Variants in TACR1 observed in about 807,000 individuals in gnomAD.
TACR1 encodes the protein tachykinin receptor 1.
TACR1 carries 25 observed loss-of-function variants against 35.8 expected under a neutral mutation model. The ratio of observed to expected loss-of-function variants is 0.70; its 90% confidence interval spans 0.51 to 0.98. The LOEUF is 0.98. TACR1 is among the 50% of genes least tolerant of loss of function. TACR1 has a pLI of 0.00. For synonymous variants in TACR1, 195 were observed against 206.7 expected (o/e 0.94, Z 0.48); for missense variants, 478 against 522.9 (o/e 0.91, Z 0.84).
chr2:75,116,402 C>T (rs770478404), intron 2 of TACR1, among the ~76,000 whole-genome samples: 15 of 152,112 alleles, frequency 9.9e-5, no homozygotes, highest in Non-Finnish European at 1.9e-4. Flanking sequence ...GCACTGGGCT[C>T]CACAATTTTT....
intron 1 of TACR1, among the ~76,000 whole-genome samples, chr2:75,171,785 T>G (rs1214228506): frequency 6.6e-6 from 1 of 152,218 alleles, no homozygotes; most frequent in Non-Finnish European, 1.5e-5. Context: ...TTTCTCCCAC[T>G]TGGAATGGGT....
chr2:75,101,769 G>A (rs954048294), intron 2 of TACR1, among the ~76,000 whole-genome samples: 1 of 152,046 alleles, frequency 6.6e-6, no homozygotes, highest in African/African-American at 2.4e-5. Context: ...CCTATATGGT[G>A]AAACTTCATC....
chr2:75,106,931 G>T (rs1468357687), intron 2 of TACR1, among the ~76,000 whole-genome samples: 1 of 151,574 alleles, frequency 6.6e-6, no homozygotes, highest in Admixed American at 6.6e-5. Flanking sequence ...AATGAGTGTG[G>T]AAATGTTCAA....
At chr2:75,117,406 A>T (rs944631195) in intron 2 of TACR1, among the ~76,000 whole-genome samples, 2 of 152,226 alleles carry the variant, frequency 1.3e-5, no homozygotes, top group Admixed American at 1.3e-4. Context: ...CATCAATTAA[A>T]TTGGGTCTAA....
rs1297138677 is a variant in TACR1, at chr2:75,049,655, A to C, written c.1001T>G (p.Leu334Arg). The change falls in exon 5 of 5, where the codon CTG becomes CGG. Residue 334 changes from leucine to arginine, a missense_variant. Physicochemically the swap from Leu to Arg is moderately radical, Grantham distance 102. Coordinates refer to ENST00000305249, the MANE Select transcript of TACR1 (RefSeq NM_001058.4). Reference sequence around the variant, plus strand: ...GAGATACCGGGTGGATTTCATTTCCAGCCCCTCATAGTCGCCGGCGCTGAT... The same window carrying C: ...GAGATACCGGGTGGATTTCATTTCCCGCCCCTCATAGTCGCCGGCGCTGAT... ...PFISAGDYEG[L>R]EMKSTRYLQT... 6.2e-7 allele frequency: 1 copy of C among 1,614,150 alleles called. No individual in the cohort carries two copies. The highest frequency in any genetic ancestry group is 2.2e-5 in the East Asian group (1 of 44,876).
intron 1 of TACR1, among the ~76,000 whole-genome samples, chr2:75,196,010 G>C (rs1409739023): frequency 2.0e-5 from 3 of 152,148 alleles, no homozygotes; most frequent in African/African-American, 4.8e-5. Flanking sequence ...GTTAGGTAAG[G>C]GGGATTGGAT....
intron 1 of TACR1, among the ~76,000 whole-genome samples, chr2:75,126,157 G>A (rs533825647): frequency 1.6e-3 from 250 of 152,144 alleles, no homozygotes; most frequent in African/African-American, 5.9e-3. Flanking sequence ...CCACTTATAA[G>A]TGGGAACATG....
At chr2:75,123,498 A>T (rs983363228) in intron 1 of TACR1, among the ~76,000 whole-genome samples, 8 of 152,300 alleles carry the variant, frequency 5.3e-5, no homozygotes, top group African/African-American at 1.9e-4. Flanking sequence ...GCCATATTTT[A>T]TCCTTATTGC....
chr2:75,198,637 A>G lies in TACR1; in HGVS notation c.298T>C (p.Tyr100His). Residue 100 changes from tyrosine to histidine, a missense_variant, in exon 1 of 5, where the codon TAC (tyrosine) becomes CAC (histidine). By Grantham distance (83) the Tyr-to-His change is moderately conservative (BLOSUM62 2). Transcript: ENST00000305249. ...FTYAVHNEWY[Y>H]GLFYCKFHNF... ...TGGAACTTGCAGTAGAACAGGCCGT[A>G]GTACCATTCGTTGTGGACAGCATAG... 1 of 1,614,256 alleles carries G rather than the reference A, an allele frequency of 6.2e-7. No homozygotes were observed. The highest frequency in any genetic ancestry group is 1.1e-5 in the South Asian group (1 of 91,084).
intron 1 of TACR1, among the ~76,000 whole-genome samples, chr2:75,182,557 A>ATAATGGAG (rs1181846199): frequency 1.3e-5 from 2 of 152,230 alleles, no homozygotes; most frequent in Non-Finnish European, 2.9e-5. Flanking sequence ...CCATGAGTTT[A>ATAATGGAG]TAATGGAGCT....
Position 75,163,213 on chromosome 2 carries a change from T to C in TACR1, c.389+35333A>G, listed in dbSNP as rs568344470. 5.9e-5 allele frequency among the ~76,000 whole-genome samples: 9 copies of C among 152,296 alleles called. No individual in the cohort carries two copies. The East Asian group carries it at 1.7e-3, about 29-fold the overall frequency. ...GTCCCCATTGATTCACAGGAGACTT[T>C]GGGAGAGCAAGCACCAAAGTGCTGT... On this transcript the variant is annotated intron_variant, in intron 1 of 4. Transcript: ENST00000305249.
In TACR1 at chr2:75,113,598, G is replaced by A. The variant is rs1274269568; in HGVS notation, c.584+6976C>T. 2.1e-5 allele frequency among the ~76,000 whole-genome samples: 3 copies of A among 145,330 alleles called. No homozygotes were observed. The South Asian group carries it at 6.5e-4, about 31-fold the overall frequency. On this transcript the variant is annotated intron_variant, in intron 2 of 4. Transcript: ENST00000305249. ...TTTCTGTCTGGGAGTCAAGGTTAAG[G>A]GCATGTGTTTATGCTAGCATCTTCC...
chr2:75,177,866 G>C (rs1183543592), intron 1 of TACR1, among the ~76,000 whole-genome samples: 1 of 152,232 alleles, frequency 6.6e-6, no homozygotes, highest in East Asian at 1.9e-4. Context: ...AAATATTTCT[G>C]TAGTCACTTC....
intron 1 of TACR1, among the ~76,000 whole-genome samples, chr2:75,131,343 C>T (rs1248180629): frequency 6.6e-6 from 1 of 152,074 alleles, no homozygotes; most frequent in African/African-American, 2.4e-5. Flanking sequence ...CTGCCTTGGC[C>T]TCCCAAAGTG....
chr2:75,084,733 C>G (rs1294036073), intron 2 of TACR1, among the ~76,000 whole-genome samples: 2 of 152,110 alleles, frequency 1.3e-5, no homozygotes, highest in Admixed American at 6.6e-5. Context: ...TTATAGTATT[C>G]TCTGATGGTA....
At chr2:75,115,906 CAA>C (rs1158476632) in intron 2 of TACR1, among the ~76,000 whole-genome samples, 4 of 54,466 alleles carry the variant, frequency 7.3e-5, no homozygotes, top group Admixed American at 5.6e-4. Flanking sequence ...GACTCCGTCT[CAA>C]AAAAAAAAAA....
At chr2:75,115,412 T>C (rs926008257) in intron 2 of TACR1, among the ~76,000 whole-genome samples, 3 of 152,036 alleles carry the variant, frequency 2.0e-5, no homozygotes, top group Non-Finnish European at 2.9e-5. Flanking sequence ...TAGTACAACC[T>C]TGTATGGAGG....
At chr2:75,130,255 T>C (rs1180826647) in intron 1 of TACR1, among the ~76,000 whole-genome samples, 1 of 152,144 alleles carries the variant, frequency 6.6e-6, no homozygotes, top group Non-Finnish European at 1.5e-5. Context: ...GGTAAGACAA[T>C]CACTAATCAA....
In TACR1 at chr2:75,171,910, G is replaced by A. The variant is rs531532227; in HGVS notation, c.389+26636C>T. ...CTTGTCTCAGATGAGACTTTGGACTGTGTTTTTTTGAGCTAATGTTGAAGT... is the reference window on the plus strand; with the variant it reads ...CTTGTCTCAGATGAGACTTTGGACTATGTTTTTTTGAGCTAATGTTGAAGT... On this transcript the variant is annotated intron_variant, in intron 1 of 4. Coordinates refer to ENST00000305249, the MANE Select transcript of TACR1 (RefSeq NM_001058.4). Among the ~76,000 whole-genome samples the A allele has an allele frequency of 6.6e-5, 10 of 152,278 alleles. No homozygotes were observed. The South Asian group carries it at 1.2e-3, about 19-fold the overall frequency.
Sources: allele counts gnomAD v4.1 joint callset (sites outside exome capture counted in the v4.1 genomes callset), GRCh38; gene constraint gnomAD v4.1.1; transcripts MANE v1.5; gene names NCBI Gene and HGNC (gene_info 2026-07-23, HGNC 2026-07-21).